The following NCKAP5 variants were observed in gnomAD, a reference collection of about 807,000 sequenced individuals.
The protein encoded by NCKAP5 is nck-associated protein 5.
Under a neutral mutation model 167.0 loss-of-function variants are expected in NCKAP5, and 92 were observed. The ratio of observed to expected loss-of-function variants is 0.55; its 90% CI spans 0.47 to 0.66. NCKAP5 has a LOEUF of 0.66. Among genes scored for constraint, NCKAP5 ranks in the 30% least tolerant of loss-of-function variants. The probability of loss-of-function intolerance (pLI) is 0.00; values close to 1 mark genes in which losing one functional copy is unlikely to be tolerated. For missense variants in NCKAP5, 2,378 were observed against 2,315.0 expected, an observed-to-expected ratio of 1.03 and a Z score of -0.56; for synonymous variants, 891 against 877.4, an observed-to-expected ratio of 1.02 and a Z score of -0.27.
chr2:133,096,554 C>A (rs1437913640), intron 6 of NCKAP5, among the ~76,000 whole-genome samples: 2 of 151,556 alleles, frequency 1.3e-5, no homozygotes, highest in Non-Finnish European at 2.9e-5. Context: ...AAATACAGTA[C>A]AATTCTTGAT....
rs566100995 is a variant in NCKAP5, at chr2:133,347,324, C to T, written c.70-44214G>A. ...ATCCCAGCACTTTGGGAGGCCAAGG[C>T]GGGCAGATCACCTGAGGTTGGAAGT... On this transcript the variant is annotated intron_variant, in intron 3 of 19. Transcript: ENST00000409261. Among the ~76,000 whole-genome samples, 9 of 152,098 alleles carry T rather than the reference C, an allele frequency of 5.9e-5. No homozygotes were observed. The East Asian group carries it at 1.2e-3, about 20-fold the overall frequency.
chr2:132,946,522 C>T (rs1302154838), intron 8 of NCKAP5, among the ~76,000 whole-genome samples: 1 of 152,142 alleles, frequency 6.6e-6, no homozygotes, highest in Non-Finnish European at 1.5e-5. Flanking sequence ...ATCTTAATTT[C>T]TCTGTTGAAA....
At chr2:133,242,041 C>T (rs1057217673) in intron 4 of NCKAP5, among the ~76,000 whole-genome samples, 1 of 149,800 alleles carries the variant, frequency 6.7e-6, no homozygotes, top group Non-Finnish European at 1.5e-5. Context: ...TCATTTGAAA[C>T]CGGGAGGCAG....
At chr2:133,576,371 G>A in the NCKAP5 span, among the ~76,000 whole-genome samples, 4 of 152,208 alleles carry the variant, frequency 2.6e-5, no homozygotes, top group African/African-American at 4.8e-5. Flanking sequence ...GTAACAAAGG[G>A]CAGGTAAGCT....
chr2:132,899,480 A>C (rs537217999), intron 8 of NCKAP5, among the ~76,000 whole-genome samples: 10 of 152,396 alleles, frequency 6.6e-5, no homozygotes, highest in African/African-American at 2.2e-4. Context: ...CTTTGTACTC[A>C]CAACTTGGCT....
the NCKAP5 span, among the ~76,000 whole-genome samples, chr2:133,667,588 T>C: frequency 3.3e-5 from 5 of 152,154 alleles, no homozygotes; most frequent in Non-Finnish European, 5.9e-5. Context: ...TCCAAAGGTA[T>C]GTTGGTCAAA....
At chr2:133,509,546 C>A (rs372694610) in intron 3 of NCKAP5, among the ~76,000 whole-genome samples, 1 of 152,210 alleles carries the variant, frequency 6.6e-6, no homozygotes, top group Non-Finnish European at 1.5e-5. Context: ...AGTTCACTCA[C>A]TCATTCATTC....
intron 3 of NCKAP5, among the ~76,000 whole-genome samples, chr2:133,385,845 A>G (rs1436267890): frequency 6.6e-5 from 10 of 152,148 alleles, no homozygotes; most frequent in South Asian, 2.1e-4. Context: ...AGAGGTGTTT[A>G]TAGTATTCTC....
intron 3 of NCKAP5, among the ~76,000 whole-genome samples, chr2:133,425,109 C>T (rs1038575179): frequency 2.6e-5 from 4 of 152,178 alleles, no homozygotes; most frequent in African/African-American, 7.2e-5. Flanking sequence ...AGTCAGTCTG[C>T]GGGAATTCCC....
At chr2:133,310,656 T>C (rs1026693516) in intron 3 of NCKAP5, among the ~76,000 whole-genome samples, 19 of 152,224 alleles carry the variant, frequency 1.2e-4, no homozygotes, top group African/African-American at 4.6e-4. Context: ...ACAGGTCCCT[T>C]TGGATGTGCC....
intron 7 of NCKAP5, among the ~76,000 whole-genome samples, chr2:132,987,961 T>C (rs1031360288): frequency 6.6e-6 from 1 of 152,158 alleles, no homozygotes; most frequent in African/African-American, 2.4e-5. Flanking sequence ...ATTCAGTGAG[T>C]TCATACCTGT....
chr2:132,932,526 A>C (rs947558321), intron 8 of NCKAP5, among the ~76,000 whole-genome samples: 1 of 152,212 alleles, frequency 6.6e-6, no homozygotes, highest in Admixed American at 6.5e-5. Flanking sequence ...GGTCTTTAAG[A>C]ATTTGGTAAC....
chr2:132,688,841 C>T (rs1686321511), intron 19 of NCKAP5, among the ~76,000 whole-genome samples: 1 of 151,848 alleles, frequency 6.6e-6, no homozygotes, highest in African/African-American at 2.4e-5. Context: ...CAAAAATTAG[C>T]TGAGTGTGGT....
chr2:133,096,247 T>C (rs1032570598), intron 6 of NCKAP5, among the ~76,000 whole-genome samples: 8 of 152,178 alleles, frequency 5.3e-5, no homozygotes, highest in Middle Eastern at 3.4e-3. Context: ...TCCCAGCACT[T>C]TGGGAGGCCA....
intron 15 of NCKAP5, among the ~76,000 whole-genome samples, chr2:132,777,596 G>A (rs1682657405): frequency 1.3e-5 from 2 of 152,088 alleles, no homozygotes; most frequent in African/African-American, 2.4e-5. Context: ...GAAAGTTCCT[G>A]GAAAGCATAA....
At chr2:133,196,307 C>T (rs564472605) in intron 5 of NCKAP5, among the ~76,000 whole-genome samples, 1 of 152,170 alleles carries the variant, frequency 6.6e-6, no homozygotes, top group African/African-American at 2.4e-5. Context: ...TCTGGGCTTC[C>T]AATAAGTACT....
intron 2 of NCKAP5, among the ~76,000 whole-genome samples, chr2:133,553,752 ATAAT>A (rs1314103146): frequency 2.0e-5 from 3 of 152,234 alleles, no homozygotes; most frequent in Admixed American, 1.3e-4. Flanking sequence ...AATCCCAAAA[ATAAT>A]TAAAGAGGCT....
chr2:133,001,289 G>A (rs1004393745), intron 6 of NCKAP5, among the ~76,000 whole-genome samples: 15 of 147,844 alleles, frequency 1.0e-4, no homozygotes, highest in Admixed American at 3.4e-4. Context: ...GTGCAATCTC[G>A]ACTCACTGCA....
chr2:133,663,032 C>T, the NCKAP5 span, among the ~76,000 whole-genome samples: 110 of 151,934 alleles, frequency 7.2e-4, no homozygotes, highest in Middle Eastern at 3.4e-3. Context: ...TTTGGGAGGC[C>T]GAGGCGGGTG....
Sources: allele counts gnomAD v4.1 joint callset (sites outside exome capture counted in the v4.1 genomes callset), GRCh38; gene constraint gnomAD v4.1.1; transcripts MANE v1.5; gene names NCBI Gene and HGNC (gene_info 2026-07-23, HGNC 2026-07-21).